The following CDYL variants were observed in gnomAD, a reference collection of about 807,000 sequenced individuals.
CDYL encodes the protein chromodomain Y like.
Under a neutral mutation model 47.3 loss-of-function variants are expected in CDYL, and 8 were observed. That is an observed-to-expected ratio of 0.17 (90% CI 0.10 to 0.31). The LOEUF is 0.31. Ranked by LOEUF, CDYL falls within the 10% of genes least tolerant of loss-of-function variation. The probability of loss-of-function intolerance (pLI) is 1.00; values close to 1 mark genes in which losing one functional copy is unlikely to be tolerated. For synonymous variants in CDYL, 266 were observed against 265.0 expected (o/e 1.00, Z -0.04); for missense variants, 471 against 701.4 (o/e 0.67, Z 3.71).
intron 5 of CDYL, among the ~76,000 whole-genome samples, chr6:4,945,495 G>A (rs544044041): frequency 7.9e-5 from 12 of 152,150 alleles, no homozygotes; most frequent in African/African-American, 2.4e-4. Flanking sequence ...TTCAGCAGCC[G>A]CCCAAATGCT....
intron 1 of CDYL, among the ~76,000 whole-genome samples, chr6:4,850,562 T>A (rs1337998142): frequency 6.6e-6 from 1 of 152,248 alleles, no homozygotes; most frequent in Non-Finnish European, 1.5e-5. Flanking sequence ...GTTCTTTTCC[T>A]TGTAAGAATG....
intron 2 of CDYL, among the ~76,000 whole-genome samples, chr6:4,721,368 G>A (rs996490400): frequency 2.0e-5 from 3 of 151,960 alleles, no homozygotes; most frequent in South Asian, 2.1e-4. Flanking sequence ...GGGGAGGGGA[G>A]GGGAGGGGTG....
intron 1 of CDYL, among the ~76,000 whole-genome samples, chr6:4,821,597 G>T (rs992370394): frequency 6.6e-6 from 1 of 152,004 alleles, no homozygotes; most frequent in African/African-American, 2.4e-5. Flanking sequence ...GGTGGGCGTG[G>T]TGGCATGCAC....
intron 1 of CDYL, among the ~76,000 whole-genome samples, chr6:4,784,584 A>T (rs1581164806): frequency 6.6e-6 from 1 of 152,238 alleles, no homozygotes; most frequent in East Asian, 1.9e-4. Flanking sequence ...CTTCTGAAGC[A>T]AAATGTTCAA....
chr6:4,913,400 A>G (rs1757467406), intron 2 of CDYL, among the ~76,000 whole-genome samples: 1 of 152,198 alleles, frequency 6.6e-6, no homozygotes, highest in South Asian at 2.1e-4. Context: ...TAAAAAGCAA[A>G]AAGTGTGTGG....
At chr6:4,932,888 T>G (rs1758073097) in intron 2 of CDYL, among the ~76,000 whole-genome samples, 1 of 152,142 alleles carries the variant, frequency 6.6e-6, no homozygotes, top group South Asian at 2.1e-4. Context: ...ATTGATCGAT[T>G]TTTAGTTGTC....
chr6:4,772,425 T>G (rs1351536168), upstream of CDYL, among the ~76,000 whole-genome samples: 1 of 152,166 alleles, frequency 6.6e-6, no homozygotes, highest in Non-Finnish European at 1.5e-5. Flanking sequence ...AGGAATCAGC[T>G]GTTATTGGTT....
chr6:4,749,138 GAAA>G (rs1582308349), intron 3 of CDYL, among the ~76,000 whole-genome samples: 1 of 152,204 alleles, frequency 6.6e-6, no homozygotes, highest in Non-Finnish European at 1.5e-5. Context: ...AAACTGGGGG[GAAA>G]AAGTCTGTTT....
intron 2 of CDYL, among the ~76,000 whole-genome samples, chr6:4,719,017 G>A (rs1231622315): frequency 6.6e-6 from 1 of 151,824 alleles, no homozygotes; most frequent in Non-Finnish European, 1.5e-5. Context: ...TCCACCTCCT[G>A]GGTTCAAACG....
At position 4,798,762 on chromosome 6, in the gene CDYL, TA is replaced by T. The variant is rs1349066688; in HGVS notation, c.24+21959del. On this transcript the variant is annotated intron_variant, in intron 1 of 6. Transcript: ENST00000397588. ...TTTGGATTCTTTCATGAATATGTAC[TA>T]AAATTTATCAGTGAAGCTATTGGGG... Among the ~76,000 whole-genome samples the T allele has an allele frequency of 2.0e-5, 3 of 152,360 alleles. No homozygotes were observed. In the East Asian group the frequency reaches 5.8e-4, roughly 29 times the overall value.
chr6:4,937,848 C>T (rs2127521231), intron 4 of CDYL, 111 bp downstream of exon 4: 1 of 763,052 alleles, frequency 1.3e-6, no homozygotes, highest in South Asian at 2.0e-5. Flanking sequence ...ACATCTTCTC[C>T]CATGGAGAGA....
intron 1 of CDYL, among the ~76,000 whole-genome samples, chr6:4,797,121 A>G (rs1175977774): frequency 6.6e-6 from 1 of 152,164 alleles, no homozygotes; most frequent in African/African-American, 2.4e-5. Flanking sequence ...TTTGACATGT[A>G]TCTAGAATTT....
intron 3 of CDYL, among the ~76,000 whole-genome samples, chr6:4,747,716 C>T (rs2127418977): frequency 6.6e-6 from 1 of 152,186 alleles, no homozygotes; most frequent in East Asian, 1.9e-4. Flanking sequence ...CTGTTTCTCA[C>T]CAGTGCAAGG....
intron 2 of CDYL, among the ~76,000 whole-genome samples, chr6:4,722,678 A>G (rs926484530): frequency 6.6e-6 from 1 of 152,180 alleles, no homozygotes; most frequent in African/African-American, 2.4e-5. Context: ...GGAGTTTGAG[A>G]CCAGCCTGAC....
upstream of CDYL, chr6:4,775,406 CGGGCCAGCCCTCGCTGTTCTGAGCGA>C (rs562448805): frequency 6.6e-6 from 1 of 152,096 alleles, no homozygotes; most frequent in Non-Finnish European, 1.5e-5. The surrounding 1 kb of genome is among the most constrained non-coding windows in gnomAD (Gnocchi z 7.0). Context: ...AAGTGGAGCG[CGGGCCAGCCCTCGCTGTTCTGAGCGA>C]GGGCCTGTCG....
In CDYL at chr6:4,835,439, C is replaced by G. The variant is rs551058180; in HGVS notation, c.25-56274C>G. On this transcript the variant is annotated intron_variant, in intron 1 of 6. Transcript: ENST00000397588. Reference sequence around the variant, plus strand: ...CTGATCGTTCCCCTGGAAGTTTTGTCTCAGAGGAGTACCCGGCCATGTGAG... The same window carrying G: ...CTGATCGTTCCCCTGGAAGTTTTGTGTCAGAGGAGTACCCGGCCATGTGAG... Among the ~76,000 whole-genome samples the G allele has an allele frequency of 1.6e-4, 25 of 152,302 alleles. No homozygotes were observed. In the East Asian group the frequency reaches 4.1e-3, roughly 25 times the overall value.
At chr6:4,886,794 C>T (rs1419948487) in intron 1 of CDYL, among the ~76,000 whole-genome samples, 1 of 152,104 alleles carries the variant, frequency 6.6e-6, no homozygotes, top group African/African-American at 2.4e-5. Flanking sequence ...TTTAAAGTGA[C>T]AACAAATTAC....
chr6:4,930,459 G>T (rs555231482), intron 2 of CDYL, among the ~76,000 whole-genome samples: 1 of 152,198 alleles, frequency 6.6e-6, no homozygotes, highest in Non-Finnish European at 1.5e-5. Flanking sequence ...CTGCACTGTG[G>T]CAGCTGCTTT....
chr6:4,791,356 T>C (rs1439212192), intron 1 of CDYL, among the ~76,000 whole-genome samples: 1 of 152,238 alleles, frequency 6.6e-6, no homozygotes, highest in Non-Finnish European at 1.5e-5. Flanking sequence ...ACTTTTGATT[T>C]ACAATGTATC....
Sources: gnomAD v4.1 joint callset for allele counts (sites outside exome capture counted in the v4.1 genomes callset) on GRCh38, gnomAD v4.1.1 for gene constraint, Gnocchi (gnomAD v3.1) non-coding constraint, MANE v1.5 for transcripts, NCBI Gene and HGNC (gene_info 2026-07-23, HGNC 2026-07-21) for gene names.